Variants in CEP128 observed in about 807,000 individuals in gnomAD.
CEP128 encodes the protein centrosomal protein 128, also known as centrosomal protein 128kDa.
Under a neutral mutation model 156.7 loss-of-function variants are expected in CEP128, and 132 were observed. The observed-to-expected ratio is 0.84, with a 90% CI of 0.73 to 0.97. The LOEUF is 0.97. Ranked by LOEUF, CEP128 falls within the 50% of genes least tolerant of loss-of-function variation. The pLI is 0.00. For missense variants in CEP128, 1,252 were observed against 1,281.9 expected (o/e 0.98, Z 0.36); for synonymous variants, 469 against 448.9 (o/e 1.04, Z -0.57).
At chr14:80,675,114 A>G (rs1896006471) in intron 19 of CEP128, among the ~76,000 whole-genome samples, 2 of 152,082 alleles carry the variant, frequency 1.3e-5, no homozygotes, top group Non-Finnish European at 2.9e-5. Context: ...TTTAATTTCA[A>G]TCATTCATTC....
At chr14:80,589,128 G>C (rs1243112424) in intron 19 of CEP128, among the ~76,000 whole-genome samples, 1 of 152,104 alleles carries the variant, frequency 6.6e-6, no homozygotes, top group Non-Finnish European at 1.5e-5. Flanking sequence ...GGAAGCATGA[G>C]CCAAGGGATG....
At chr14:80,876,409 A>G (rs1028378633) in intron 8 of CEP128, among the ~76,000 whole-genome samples, 6 of 152,110 alleles carry the variant, frequency 3.9e-5, no homozygotes, top group African/African-American at 1.4e-4. Flanking sequence ...CATCCTGGCT[A>G]ACATGATGAA....
At chr14:80,534,434 T>C (rs975924139) in intron 21 of CEP128, among the ~76,000 whole-genome samples, 11 of 152,212 alleles carry the variant, frequency 7.2e-5, no homozygotes, top group Admixed American at 3.3e-4. Context: ...CAAAATACTT[T>C]GTGCAGAGTC....
chr14:80,775,519 G>A (rs73342552), intron 16 of CEP128, among the ~76,000 whole-genome samples: 2,285 of 152,302 alleles, frequency 0.015, 61 homozygotes, highest in African/African-American at 0.051. Context: ...TTAGGATACA[G>A]AGACCATCTT....
intron 23 of CEP128, among the ~76,000 whole-genome samples, chr14:80,508,747 C>G (rs533728142): frequency 5.6e-4 from 85 of 152,186 alleles, no homozygotes; most frequent in African/African-American, 2.0e-3. Context: ...ATTTACTAAA[C>G]ATATGTTGTC....
intron 8 of CEP128, among the ~76,000 whole-genome samples, chr14:80,882,855 T>C (rs558411455): frequency 8.6e-5 from 13 of 151,878 alleles, no homozygotes; most frequent in Non-Finnish European, 1.8e-4. Context: ...ATAAAAACAA[T>C]TGATCTCATG....
chr14:80,668,493 T>G (rs983610577), intron 19 of CEP128, among the ~76,000 whole-genome samples: 1 of 152,152 alleles, frequency 6.6e-6, no homozygotes, highest in African/African-American at 2.4e-5. Flanking sequence ...GGGATTCATT[T>G]TGAATATAGA....
chr14:80,517,290 C>G (rs1449007084), intron 23 of CEP128, among the ~76,000 whole-genome samples: 1 of 151,984 alleles, frequency 6.6e-6, no homozygotes, highest in East Asian at 1.9e-4. Context: ...TCTTGGTCTT[C>G]TAGATTTCTA....
chr14:80,657,722 A>G (rs1177176364), intron 19 of CEP128, among the ~76,000 whole-genome samples: 1 of 152,186 alleles, frequency 6.6e-6, no homozygotes, highest in Non-Finnish European at 1.5e-5. Context: ...TGTGATTTCT[A>G]CATGTAATTC....
chr14:80,498,645 G>A (rs147313846), intron 24 of CEP128, among the ~76,000 whole-genome samples: 3 of 152,310 alleles, frequency 2.0e-5, no homozygotes, highest in Non-Finnish European at 4.4e-5. Flanking sequence ...CCTCAGGGAG[G>A]CAGATCCTGA....
intron 20 of CEP128, among the ~76,000 whole-genome samples, chr14:80,565,841 T>C (rs1446716963): frequency 2.0e-5 from 3 of 152,222 alleles, no homozygotes; most frequent in Non-Finnish European, 4.4e-5. Flanking sequence ...GTCTAAATAA[T>C]AATAATTCTT....
chr14:80,773,168 T>C (rs1229714081), intron 16 of CEP128, among the ~76,000 whole-genome samples: 2 of 152,194 alleles, frequency 1.3e-5, no homozygotes, highest in African/African-American at 2.4e-5. Flanking sequence ...TATATACCTA[T>C]AATTTCTCAG....
intron 8 of CEP128, among the ~76,000 whole-genome samples, chr14:80,870,865 A>C (rs192039023): frequency 2.0e-5 from 3 of 152,144 alleles, no homozygotes; most frequent in African/African-American, 7.2e-5. Context: ...GCCCCTAAAA[A>C]AAACTGTTAG....
At chr14:80,637,690 C>A (rs1005443612) in intron 19 of CEP128, among the ~76,000 whole-genome samples, 1 of 152,112 alleles carries the variant, frequency 6.6e-6, no homozygotes, top group Admixed American at 6.5e-5. Context: ...AACCGTGAAA[C>A]CTGTGAATGT....
chr14:80,815,106 A>G (rs1033003733), intron 13 of CEP128, among the ~76,000 whole-genome samples: 2 of 152,180 alleles, frequency 1.3e-5, no homozygotes, highest in African/African-American at 4.8e-5. Flanking sequence ...ACAGCAAAAG[A>G]AAAAAATCAA....
At chr14:80,942,205 A>G (rs1468355864), upstream of CEP128, 1 of 152,210 alleles carries the variant, frequency 6.6e-6, no homozygotes, top group Admixed American at 6.5e-5. Context: ...CCAAAGACTC[A>G]CAAATTCTTA....
rs532189278 is a variant in CEP128 at position 80,708,360 on chromosome 14, C to T, written c.2806+34715G>A. ...TTGAAAGGGTCTATTTCCTCACAGT[C>T]CCCAGCCTCACAGACATTGTCATGC... On this transcript the variant is annotated intron_variant, in intron 19 of 24. Transcript: ENST00000555265. 3.9e-5 allele frequency among the ~76,000 whole-genome samples: 6 copies of T among 152,262 alleles called. No individual in the cohort carries two copies. In the South Asian group the frequency reaches 1.2e-3, roughly 31 times the overall value.
At chr14:80,634,465 G>A (rs778091497) in intron 19 of CEP128, among the ~76,000 whole-genome samples, 27 of 150,368 alleles carry the variant, frequency 1.8e-4, no homozygotes, top group Non-Finnish European at 3.5e-4. Flanking sequence ...GTTTATTGGA[G>A]ACACAGGTAG....
intron 19 of CEP128, among the ~76,000 whole-genome samples, chr14:80,685,042 C>T (rs527583251): frequency 2.6e-5 from 4 of 152,172 alleles, no homozygotes; most frequent in African/African-American, 9.6e-5. Context: ...TGGAACAATA[C>T]AAGGATGCCC....
Sources: gnomAD v4.1 joint callset for allele counts (sites outside exome capture counted in the v4.1 genomes callset) on GRCh38, gnomAD v4.1.1 for gene constraint, MANE v1.5 for transcripts, NCBI Gene and HGNC (gene_info 2026-07-23, HGNC 2026-07-21) for gene names.